ST7: variants seen among roughly 807,000 people sequenced by gnomAD.
ST7 encodes the protein suppression of tumorigenicity 7.
Under a neutral mutation model 78.7 loss-of-function variants are expected in ST7, and 28 were observed. The ratio of observed to expected loss-of-function variants is 0.36; its 90% CI spans 0.26 to 0.49. The LOEUF (loss-of-function observed/expected upper bound fraction) is 0.49, where lower values mean the gene tolerates loss of function less well. Among genes scored for constraint, ST7 ranks in the 20% least tolerant of loss-of-function variants. The pLI is 0.99. For synonymous variants in ST7, 247 were observed against 249.6 expected (o/e 0.99, Z 0.10); for missense variants, 418 against 696.0 (o/e 0.60, Z 4.49).
chr7:117,229,689 G>C, intron 15 of ST7, 73 bp from the exon 16 acceptor site: 1 of 1,204,966 alleles, frequency 8.3e-7, no homozygotes, highest in South Asian at 1.4e-5. Flanking sequence ...CTGCAAGCGT[G>C]GGTGGAGAGG....
rs147855511 is a variant in ST7, at chr7:117,083,829, T to C, written c.152-15933T>C. Among the ~76,000 whole-genome samples, 192 of 151,540 alleles carry C rather than the reference T, an allele frequency of 1.3e-3. 4 individuals carry two copies. The East Asian group carries it at 0.02, about 16-fold the overall frequency. ...AGCTAGGCCAGGTGCAGAGATTTCC[T>C]TGTGAGCATATGGAGGCAGCACTAA... is the stretch of plus-strand genomic sequence containing the variant. On this transcript the variant is annotated intron_variant, in intron 1 of 15. Coordinates refer to ENST00000323984, the MANE Select transcript of ST7 (RefSeq NM_001369598.1).
chr7:116,964,441 A>G (rs369544336), intron 1 of ST7, among the ~76,000 whole-genome samples: 2 of 152,130 alleles, frequency 1.3e-5, no homozygotes, highest in Non-Finnish European at 2.9e-5. Context: ...GCTCCACTCA[A>G]TTGATTCAGA....
At chr7:117,208,989 G>A (rs963715228) in intron 12 of ST7, among the ~76,000 whole-genome samples, 4 of 150,844 alleles carry the variant, frequency 2.7e-5, no homozygotes, top group Non-Finnish European at 5.9e-5. Context: ...GAAAAGAAAG[G>A]TTAACATTTG....
In ST7 at chr7:117,230,088, T is replaced by C; in HGVS notation, c.*231T>C. The C allele has an allele frequency of 2.9e-6, 2 of 695,072 alleles. No individual in the cohort carries two copies. Among genetic ancestry groups the C allele is most frequent in the Non-Finnish European group, 5.4e-6 (2 of 373,712 alleles). The allele number at this position is 695,072 out of a possible 1,614,324, so 43.1% of individuals were successfully genotyped here. The stretch of plus-strand genomic sequence containing the variant: ...AAGAAGAAAGTCAAAAATAAAACTT[T>C]TGTGTATTACAGCAATCATTTGTAT... On this transcript the variant is annotated 3_prime_UTR_variant, in exon 16 of 16. Coordinates refer to ENST00000323984, the MANE Select transcript of ST7 (RefSeq NM_001369598.1).
chr7:117,012,159 C>G (rs1478476207), intron 1 of ST7, among the ~76,000 whole-genome samples: 1 of 152,078 alleles, frequency 6.6e-6, no homozygotes, highest in East Asian at 1.9e-4. Flanking sequence ...TTCTGATTCT[C>G]TGTTCAATTT....
Position 116,973,824 on chromosome 7 carries a change from G to A in ST7, c.151+20133G>A, listed in dbSNP as rs556290599. Among the ~76,000 whole-genome samples, 3 of 152,150 alleles carry A rather than the reference G, an allele frequency of 2.0e-5. No homozygotes were observed. The South Asian group carries it at 6.2e-4, about 32-fold the overall frequency. On this transcript the variant is annotated intron_variant, in intron 1 of 15. Coordinates refer to ENST00000323984, the MANE Select transcript of ST7 (RefSeq NM_001369598.1). ...TGTTGTAGATATACTTAATTTAATTGTTATATAGTATTTCATTGCATGAGT... is the reference window on the plus strand; with the variant it reads ...TGTTGTAGATATACTTAATTTAATTATTATATAGTATTTCATTGCATGAGT...
chr7:116,974,972 T>G (rs902098362), intron 1 of ST7, among the ~76,000 whole-genome samples: 2 of 152,226 alleles, frequency 1.3e-5, no homozygotes. Context: ...ATCTCAATTC[T>G]GCCCTGATTA....
chr7:117,203,794 T>G (rs3808201), intron 12 of ST7, among the ~76,000 whole-genome samples: 1 of 152,164 alleles, frequency 6.6e-6, no homozygotes, highest in East Asian at 1.9e-4. Context: ...CTGGCCTGAT[T>G]CATATCCATG....
In ST7 at chr7:117,030,270, A is replaced by T. The variant is rs1165246694; in HGVS notation, c.152-69492A>T. 5.9e-5 allele frequency among the ~76,000 whole-genome samples: 9 copies of T among 152,332 alleles called. No homozygotes were observed. The East Asian group carries it at 1.7e-3, about 29-fold the overall frequency. ...TAGAAGAATACTTATTTGGAGTGGA[A>T]TGACTTATATTACCCACTGAATATA... On this transcript the variant is annotated intron_variant, in intron 1 of 15. Transcript: ENST00000323984.
At chr7:117,199,414 A>G (rs1810613767) in intron 12 of ST7, among the ~76,000 whole-genome samples, 1 of 151,970 alleles carries the variant, frequency 6.6e-6, no homozygotes, top group African/African-American at 2.4e-5. Context: ...GAATTCGTCC[A>G]TTTTCTCCCT....
intron 10 of ST7, among the ~76,000 whole-genome samples, chr7:117,181,886 G>GTA (rs533138308): frequency 1.1e-3 from 169 of 152,250 alleles, no homozygotes; most frequent in African/African-American, 3.8e-3. Flanking sequence ...TGAAATAGGA[G>GTA]AATACCATAA....
intron 1 of ST7, among the ~76,000 whole-genome samples, chr7:117,010,688 GA>G (rs1196436989): frequency 1.3e-5 from 2 of 152,150 alleles, no homozygotes; most frequent in East Asian, 1.9e-4. Context: ...CTGAAATGCA[GA>G]AAAATAGAGT....
intron 1 of ST7, among the ~76,000 whole-genome samples, chr7:116,977,774 G>A (rs1793770606): frequency 6.6e-6 from 1 of 152,148 alleles, no homozygotes; most frequent in Non-Finnish European, 1.5e-5. Flanking sequence ...GGATGGTCTC[G>A]ATCTCTTGAC....
intron 1 of ST7, among the ~76,000 whole-genome samples, chr7:117,017,404 G>C (rs1369235089): frequency 6.6e-6 from 1 of 152,150 alleles, no homozygotes; most frequent in Admixed American, 6.6e-5. Flanking sequence ...CTGACTTTAA[G>C]ATTTTCGCTA....
intron 1 of ST7, chr7:116,955,254 T>C (rs1585033756): frequency 2.6e-6 from 1 of 377,926 alleles, no homozygotes; most frequent in East Asian, 7.6e-5. Flanking sequence ...GTAACAGTGT[T>C]AGTCTGTTTT....
intron 14 of ST7, among the ~76,000 whole-genome samples, chr7:117,220,430 C>T (rs570720067): frequency 3.9e-5 from 6 of 152,332 alleles, no homozygotes; most frequent in South Asian, 2.1e-4. Context: ...TTCAACTCCC[C>T]CTTCAGGGAG....
intron 1 of ST7, among the ~76,000 whole-genome samples, chr7:117,076,352 G>A (rs552788730): frequency 6.6e-6 from 1 of 152,154 alleles, no homozygotes; most frequent in South Asian, 2.1e-4. Context: ...AGCTGATCAG[G>A]ATACCAATTT....
intron 1 of ST7, among the ~76,000 whole-genome samples, chr7:117,084,822 T>A (rs1318948539): frequency 2.0e-5 from 3 of 152,208 alleles, no homozygotes; most frequent in Admixed American, 1.3e-4. Flanking sequence ...ATAAAAGTTT[T>A]AAAAATTTCT....
chr7:117,158,516 T>G (rs1806876592), intron 9 of ST7, among the ~76,000 whole-genome samples: 1 of 152,212 alleles, frequency 6.6e-6, no homozygotes, highest in African/African-American at 2.4e-5. Context: ...ATGGATGCAT[T>G]TACTTAATGC....
Sources: gnomAD v4.1 joint callset for allele counts (sites outside exome capture counted in the v4.1 genomes callset) on GRCh38, gnomAD v4.1.1 for gene constraint, MANE v1.5 for transcripts, NCBI Gene and HGNC (gene_info 2026-07-23, HGNC 2026-07-21) for gene names.